Variants in HDAC9 observed in about 807,000 individuals in gnomAD.
The protein encoded by HDAC9 is MEF-2 interacting transcription repressor (MITR) protein.
A neutral mutation model predicts 139.4 loss-of-function variants in HDAC9; 41 were observed. The ratio of observed to expected loss-of-function variants is 0.29; its 90% CI spans 0.23 to 0.38. The LOEUF (loss-of-function observed/expected upper bound fraction) is 0.38, where lower values mean the gene tolerates loss of function less well. Ranked by LOEUF, HDAC9 falls within the 10% of genes least tolerant of loss-of-function variation. HDAC9 has a pLI of 1.00. For missense variants in HDAC9, 1,147 were observed against 1,297.0 expected (o/e 0.88, Z 1.78); for synonymous variants, 517 against 476.2 (o/e 1.09, Z -1.12).
At chr7:18,180,863 A>G (rs1363972949) in intron 2 of HDAC9, among the ~76,000 whole-genome samples, 1 of 152,170 alleles carries the variant, frequency 6.6e-6, no homozygotes, top group East Asian at 1.9e-4. Flanking sequence ...TGCTCCCCAC[A>G]AAGACTCCAG....
At chr7:18,705,208 A>T (rs1783790233) in intron 12 of HDAC9, among the ~76,000 whole-genome samples, 1 of 152,156 alleles carries the variant, frequency 6.6e-6, no homozygotes, top group South Asian at 2.1e-4. Flanking sequence ...CACTAATGAC[A>T]CTACTGACTT....
intron 1 of HDAC9, among the ~76,000 whole-genome samples, chr7:18,461,333 TTAAG>T (rs1793829812): frequency 6.6e-6 from 1 of 152,184 alleles, no homozygotes; most frequent in Non-Finnish European, 1.5e-5. Flanking sequence ...TAATTTGGGA[TTAAG>T]TTTCAGTTAA....
chr7:18,556,261 T>C (rs548296129), intron 2 of HDAC9, among the ~76,000 whole-genome samples: 3 of 152,176 alleles, frequency 2.0e-5, no homozygotes, highest in African/African-American at 7.2e-5. Context: ...AAACTTCTTA[T>C]AGACAAAAAC....
chr7:18,157,802 C>CGAGAG (rs1238915333), intron 1 of HDAC9, among the ~76,000 whole-genome samples: 3 of 86,224 alleles, frequency 3.5e-5, no homozygotes, highest in African/African-American at 1.0e-4. Context: ...GGTTCTAAGG[C>CGAGAG]ATGAGAGAGA....
intron 2 of HDAC9, among the ~76,000 whole-genome samples, chr7:18,538,881 G>A (rs1236962296): frequency 6.6e-6 from 1 of 152,146 alleles, no homozygotes; most frequent in Non-Finnish European, 1.5e-5. Context: ...AGTTCAGGAG[G>A]ATAGGGAGTT....
intron 1 of HDAC9, among the ~76,000 whole-genome samples, chr7:18,419,772 A>G (rs1235945594): frequency 6.6e-6 from 1 of 152,198 alleles, no homozygotes; most frequent in East Asian, 1.9e-4. Context: ...ATCTCCTAAA[A>G]TATTTCCATT....
chr7:18,860,648 A>G (rs1298567811), intron 21 of HDAC9, among the ~76,000 whole-genome samples: 1 of 152,012 alleles, frequency 6.6e-6, no homozygotes, highest in Non-Finnish European at 1.5e-5. Flanking sequence ...AAAAGAGGAT[A>G]AAATTAGAAG....
chr7:18,930,885 A>G (rs1257345594), intron 22 of HDAC9, among the ~76,000 whole-genome samples: 1 of 152,142 alleles, frequency 6.6e-6, no homozygotes, highest in African/African-American at 2.4e-5. Flanking sequence ...TTGGCATTTT[A>G]TGGGACTTTT....
At chr7:18,904,677 G>A (rs965535941) in intron 22 of HDAC9, among the ~76,000 whole-genome samples, 9 of 141,724 alleles carry the variant, frequency 6.4e-5, no homozygotes, top group African/African-American at 2.4e-4. Context: ...CCGGGTTCAC[G>A]CCATTCTCCT....
chr7:18,891,546 GCT>G (rs1455261966), intron 22 of HDAC9, among the ~76,000 whole-genome samples: 1 of 152,164 alleles, frequency 6.6e-6, no homozygotes, highest in Non-Finnish European at 1.5e-5. Flanking sequence ...TGAGTACCAG[GCT>G]TAAGAGCTAG....
chr7:18,879,554 A>C (rs2547586), intron 22 of HDAC9, among the ~76,000 whole-genome samples: 1 of 152,176 alleles, frequency 6.6e-6, no homozygotes, highest in Non-Finnish European at 1.5e-5. Context: ...AGAAACAAGC[A>C]ATGGGGAGAA....
chr7:18,865,883 A>G (rs1435621003), intron 21 of HDAC9, among the ~76,000 whole-genome samples: 5 of 152,016 alleles, frequency 3.3e-5, no homozygotes, highest in Non-Finnish European at 5.9e-5. Context: ...GCAATGACAT[A>G]CAATTAGACT....
intron 2 of HDAC9, among the ~76,000 whole-genome samples, chr7:18,575,163 C>G (rs1049851854): frequency 5.3e-5 from 8 of 152,326 alleles, no homozygotes; most frequent in Admixed American, 2.0e-4. Context: ...AAAAAGTTGC[C>G]TTTCAAGACT....
intron 14 of HDAC9, among the ~76,000 whole-genome samples, chr7:18,756,621 T>C (rs1210764514): frequency 6.6e-6 from 1 of 152,248 alleles, no homozygotes; most frequent in Admixed American, 6.5e-5. Context: ...CATAGAATCC[T>C]ATCATCTTAA....
chr7:18,500,624 G>T (rs1211510469), intron 2 of HDAC9, among the ~76,000 whole-genome samples: 1 of 152,126 alleles, frequency 6.6e-6, no homozygotes, highest in Non-Finnish European at 1.5e-5. Context: ...GGTTGTTCTT[G>T]TTTTCTCTTG....
intron 2 of HDAC9, among the ~76,000 whole-genome samples, chr7:18,163,082 T>C (rs1428640488): frequency 6.6e-6 from 1 of 152,184 alleles, no homozygotes; most frequent in Non-Finnish European, 1.5e-5. Context: ...CCTTAGCATA[T>C]TGATATCCTT....
chr7:18,546,543 T>G (rs1814896458), intron 2 of HDAC9, among the ~76,000 whole-genome samples: 1 of 152,172 alleles, frequency 6.6e-6, no homozygotes, highest in Non-Finnish European at 1.5e-5. Context: ...ACACCTTCTT[T>G]CTCCTTCTCA....
intron 21 of HDAC9, among the ~76,000 whole-genome samples, chr7:18,855,349 C>A (rs1370201663): frequency 1.3e-5 from 2 of 152,098 alleles, no homozygotes; most frequent in Non-Finnish European, 2.9e-5. Context: ...TCTCTGTAAA[C>A]CTGACATAAA....
At chr7:18,888,685 T>A (rs1800392732) in intron 22 of HDAC9, among the ~76,000 whole-genome samples, 1 of 152,192 alleles carries the variant, frequency 6.6e-6, no homozygotes, top group Admixed American at 6.5e-5. Context: ...TCTCCTCCTA[T>A]CATCTCTTTA....
Sources: allele counts gnomAD v4.1 joint callset (sites outside exome capture counted in the v4.1 genomes callset), GRCh38; gene constraint gnomAD v4.1.1; transcripts MANE v1.5; gene names NCBI Gene and HGNC (gene_info 2026-07-23, HGNC 2026-07-21).